STRADA: variants seen among roughly 807,000 people sequenced by gnomAD.
STRADA encodes STE20-related kinase adapter protein alpha.
A neutral mutation model predicts 55.0 loss-of-function variants in STRADA; 26 were observed. The observed-to-expected ratio is 0.47, with a 90% CI of 0.35 to 0.66. The LOEUF (loss-of-function observed/expected upper bound fraction) is 0.66, where lower values mean the gene tolerates loss of function less well. Ranked by LOEUF, STRADA falls within the 30% of genes least tolerant of loss-of-function variation. The pLI is 0.01. For missense variants in STRADA, 443 were observed against 549.7 expected (o/e 0.81, Z 1.94); for synonymous variants, 197 against 210.9 (o/e 0.93, Z 0.57).
intron 1 of STRADA, among the ~76,000 whole-genome samples, chr17:63,728,672 G>A (rs2037813791): frequency 6.6e-6 from 1 of 151,150 alleles, no homozygotes; most frequent in Admixed American, 6.6e-5. Flanking sequence ...GCCGAGGCGG[G>A]CGGATCACCT....
Position 63,728,320 on chromosome 17 carries a change from A to T in STRADA, c.36+14T>A. 6.2e-7 allele frequency: 1 copy of T among 1,613,274 alleles called. No homozygotes were observed. The highest frequency in any genetic ancestry group is 1.1e-5 in the South Asian group (1 of 90,994). ...ACAAAAATAGTAAAGCCAGAAGAAT[A>T]GAAAAACACTCACCCTGATTCGCTC... On this transcript the variant is annotated intron_variant, in intron 2 of 12. Transcript: ENST00000336174.
intron 2 of STRADA, chr17:63,727,749 CTG>C (rs989603663): frequency 6.6e-6 from 1 of 152,154 alleles, no homozygotes; most frequent in Admixed American, 6.5e-5. Flanking sequence ...CACTTATACA[CTG>C]TTACAAAATT....
At chr17:63,720,187 T>TA (rs2037199244) in intron 4 of STRADA, among the ~76,000 whole-genome samples, 3 of 150,628 alleles carry the variant, frequency 2.0e-5, no homozygotes, top group African/African-American at 4.9e-5. Context: ...TTTTTTTTTT[T>TA]AATTAGGGAC....
Position 63,706,602 on chromosome 17 carries a change from G to GGCAAGAAGGAAAC in STRADA, c.858+20_858+32dup, listed in dbSNP as rs1477699686. On this transcript the variant is annotated intron_variant, in intron 10 of 12. Transcript: ENST00000336174. ...AACGAACATCTGTGGAAGGCAAGCA[G>GGCAAGAAGGAAAC]GCAAGAAGGAAACCGATGGGCGGCA... The GGCAAGAAGGAAAC allele has an allele frequency of 7.8e-6, 12 of 1,532,692 alleles. No homozygotes were observed. In the Admixed American group the frequency reaches 1.2e-4, roughly 15 times the overall value. 94.9% of individuals were successfully genotyped at this position (1,532,692 alleles called of 1,614,324 possible). A position where few individuals can be genotyped will look rare whatever the true frequency, so the allele number is the denominator to read the frequency against.
intron 5 of STRADA, among the ~76,000 whole-genome samples, 159 bp from the exon 6 acceptor site, chr17:63,713,686 T>C (rs1354224022): frequency 6.6e-6 from 1 of 152,156 alleles, no homozygotes; most frequent in Non-Finnish European, 1.5e-5. Flanking sequence ...AGAATTTAAC[T>C]GTTATGTTCA....
At chr17:63,713,928 C>T (rs1185829788) in intron 5 of STRADA, 78 bp downstream of exon 5, 2 of 1,185,162 alleles carry the variant, frequency 1.7e-6, no homozygotes, top group Admixed American at 1.7e-5. Flanking sequence ...CTGCTGTACA[C>T]ACATCTGGGG....
intron 1 of STRADA, among the ~76,000 whole-genome samples, chr17:63,730,087 C>T (rs926678685): frequency 1.3e-5 from 2 of 152,178 alleles, no homozygotes; most frequent in East Asian, 3.9e-4. Context: ...CCACCCGCCT[C>T]GGCCTCCCAA....
intron 8 of STRADA, among the ~76,000 whole-genome samples, chr17:63,708,807 C>A (rs1320924944): frequency 6.6e-6 from 1 of 152,186 alleles, no homozygotes; most frequent in African/African-American, 2.4e-5. Flanking sequence ...AGTGCTGGGA[C>A]TGTTCAGTGC....
intron 4 of STRADA, among the ~76,000 whole-genome samples, chr17:63,716,917 G>C (rs2036925613): frequency 6.6e-6 from 1 of 152,216 alleles, no homozygotes; most frequent in South Asian, 2.1e-4. Context: ...GGGCCACATA[G>C]AGGCAGAATT....
intron 3 of STRADA, chr17:63,726,086 T>C (rs1255769824): frequency 6.6e-6 from 1 of 152,266 alleles, no homozygotes; most frequent in East Asian, 1.9e-4. Flanking sequence ...TAAATTAAGA[T>C]GACAGTTCCC....
Position 63,703,721 on chromosome 17 carries a change from C to A in STRADA, c.1174G>T (p.Glu392Ter). ...IKRRASEALP[E>*]LLRPVTPITN... is the part of the protein sequence containing the mutation. ...ATGGGGGTGACAGGACGAAGCAATTCGGGCAAAGCCTCTGAGGCACGTCGC... is the reference window on the plus strand; with the variant it reads ...ATGGGGGTGACAGGACGAAGCAATTAGGGCAAAGCCTCTGAGGCACGTCGC... Residue 392 changes from glutamate (E) to a stop codon, truncating the protein, a stop_gained, in exon 13 of 13, where the codon GAA (glutamate) becomes TAA (stop). Transcript: ENST00000336174. LOFTEE classifies it high-confidence loss of function. 1 of 1,614,144 alleles carries A rather than the reference C, an allele frequency of 6.2e-7. No individual in the cohort carries two copies. The highest frequency in any genetic ancestry group is 8.5e-7 in the Non-Finnish European group (1 of 1,180,022).
chr17:63,704,718 A>T, intron 10 of STRADA, 136 bp from the exon 11 acceptor site: 3 of 1,510,846 alleles, frequency 2.0e-6, no homozygotes, highest in Non-Finnish European at 2.6e-6. Context: ...GAAAAGGTGG[A>T]AGTGGAGTAA....
At position 63,713,504 on chromosome 17, in the gene STRADA, T is replaced by A; in HGVS notation, c.250A>T (p.Thr84Ser). 1.2e-6 allele frequency: 2 copies of A among 1,614,088 alleles called. No individual in the cohort carries two copies. Among genetic ancestry groups the A allele is most frequent in the Non-Finnish European group, 1.7e-6 (2 of 1,179,996 alleles). Residue 84 changes from threonine to serine, a missense_variant, in exon 6 of 13, where the codon ACT becomes TCT. Transcript: ENST00000336174. ...VIGKGFEDLM[T>S]VNLARYKPTG... ...GGTTTGTACCTTGCTAGATTCACAG[T>A]CATCAGGTCCTCAAATCCTTTGCCT...
chr17:63,730,399 T>C (rs1406371042), intron 1 of STRADA, among the ~76,000 whole-genome samples: 2 of 147,720 alleles, frequency 1.4e-5, no homozygotes, highest in Non-Finnish European at 3.0e-5. Context: ...TTAGTTGACT[T>C]TTTTTTTTTT....
chr17:63,736,839 C>T lies in STRADA; in HGVS notation c.-45+4902G>A, dbSNP rs1480492353. On this transcript the variant is annotated intron_variant, in intron 1 of 12. Transcript: ENST00000336174. ...AAGTGGCCTATTTCTTCCCCCCACG[C>T]CCCCCCCACCAAAAAAAAATCAAGC... is the stretch of plus-strand genomic sequence containing the variant. 9.3e-5 allele frequency among the ~76,000 whole-genome samples: 5 copies of T among 53,494 alleles called. No individual in the cohort carries two copies. The African/African-American group carries it at 1.1e-3, about 12-fold the overall frequency. 35.1% of individuals were successfully genotyped at this position (53,494 alleles called of 152,430 possible).
intron 4 of STRADA, chr17:63,714,667 T>C: frequency 5.5e-6 from 1 of 181,344 alleles, no homozygotes; most frequent in Admixed American, 5.4e-5. Context: ...CCTGATGCCC[T>C]GAGCTGCAGG....
chr17:63,708,019 G>A (rs1485730679), intron 8 of STRADA, among the ~76,000 whole-genome samples: 1 of 151,778 alleles, frequency 6.6e-6, no homozygotes, highest in Non-Finnish European at 1.5e-5. Flanking sequence ...TTACCAGTGT[G>A]AACCACTGCG....
Position 63,726,714 on chromosome 17 carries a change from A to C in STRADA, c.37-19T>G. The stretch of plus-strand genomic sequence containing the variant: ...CCCACCGCTAAAGAGGAAAACCCCA[A>C]AGAGAATTAGTATTTCTTCCAAGCC... On this transcript the variant is annotated intron_variant, in intron 2 of 12. Coordinates refer to ENST00000336174, the MANE Select transcript of STRADA (RefSeq NM_001003787.4). The C allele has an allele frequency of 1.2e-6, 2 of 1,613,700 alleles. No homozygotes were observed. The highest frequency in any genetic ancestry group is 1.7e-6 in the Non-Finnish European group (2 of 1,179,708).
At chr17:63,714,145 A>C in intron 4 of STRADA, 37 bp from the exon 5 acceptor site, 16 of 1,499,974 alleles carry the variant, frequency 1.1e-5, no homozygotes, top group Non-Finnish European at 1.2e-5. Context: ...AGTAGAGAAA[A>C]CTGGGGGTGG....
Sources: allele counts gnomAD v4.1 joint callset (sites outside exome capture counted in the v4.1 genomes callset), GRCh38; gene constraint gnomAD v4.1.1; transcripts MANE v1.5; gene names NCBI Gene and HGNC (gene_info 2026-07-23, HGNC 2026-07-21).